Variants in DAB2IP observed in about 807,000 individuals in gnomAD.
The protein encoded by DAB2IP is DAB2 interacting protein, also known as disabled homolog 2-interacting protein.
DAB2IP carries 28 observed loss-of-function variants against 107.2 expected under a neutral mutation model. The ratio of observed to expected loss-of-function variants is 0.26; its 90% CI spans 0.19 to 0.36. DAB2IP has a LOEUF of 0.36. Among genes scored for constraint, DAB2IP ranks in the 10% least tolerant of loss-of-function variants. DAB2IP has a pLI of 1.00. For missense variants in DAB2IP, 1,400 were observed against 1,644.7 expected (o/e 0.85, Z 2.57); for synonymous variants, 755 against 706.4 (o/e 1.07, Z -1.09).
intron 1 of DAB2IP, among the ~76,000 whole-genome samples, chr9:121,627,578 T>C (rs1434346614): frequency 6.6e-6 from 1 of 152,184 alleles, no homozygotes; most frequent in South Asian, 2.1e-4. Flanking sequence ...CTGTGTACTC[T>C]CCTGGCAGCA....
intron 1 of DAB2IP, among the ~76,000 whole-genome samples, chr9:121,627,965 G>C (rs1273350545): frequency 6.6e-6 from 1 of 152,188 alleles, no homozygotes; most frequent in African/African-American, 2.4e-5. Context: ...CTGCTTCAGG[G>C]AACATCCTTT....
At chr9:121,747,384 G>A (rs1295553394) in intron 3 of DAB2IP, among the ~76,000 whole-genome samples, 1 of 143,992 alleles carries the variant, frequency 6.9e-6, no homozygotes, top group African/African-American at 2.7e-5. Context: ...GTCTCGCTCT[G>A]TCGCCCAGGC....
intron 1 of DAB2IP, among the ~76,000 whole-genome samples, chr9:121,641,906 TTTCTTTCTTTC>T (rs1564128255): frequency 8.5e-6 from 1 of 117,706 alleles, no homozygotes; most frequent in African/African-American, 4.3e-5. Context: ...TCTTTCTTTC[TTTCTTTCTTTC>T]TTTCTTTCTT....
chr9:121,732,879 T>C (rs1324485991), intron 3 of DAB2IP, among the ~76,000 whole-genome samples: 2 of 152,160 alleles, frequency 1.3e-5, no homozygotes, highest in Non-Finnish European at 2.9e-5. Context: ...GTCTGTAAAA[T>C]ACCTAGCGCT....
At chr9:121,726,723 G>A (rs1371185954) in intron 3 of DAB2IP, among the ~76,000 whole-genome samples, 1 of 152,216 alleles carries the variant, frequency 6.6e-6, no homozygotes, top group Non-Finnish European at 1.5e-5. Context: ...TCTGGTGTTG[G>A]AAGTATTCTG....
At chr9:121,663,045 G>C (rs867804249) in intron 1 of DAB2IP, among the ~76,000 whole-genome samples, 1 of 152,172 alleles carries the variant, frequency 6.6e-6, no homozygotes, top group East Asian at 1.9e-4. Context: ...ACTTTGGGCC[G>C]GTGAATTCAT....
chr9:121,629,246 G>C (rs1345688157), intron 1 of DAB2IP, among the ~76,000 whole-genome samples: 1 of 152,224 alleles, frequency 6.6e-6, no homozygotes, highest in East Asian at 1.9e-4. Flanking sequence ...GACAGGTGAA[G>C]AGGCTTTGAG....
chr9:121,726,143 C>T (rs1254601647), intron 3 of DAB2IP, among the ~76,000 whole-genome samples: 1 of 152,204 alleles, frequency 6.6e-6, no homozygotes, highest in Non-Finnish European at 1.5e-5. Flanking sequence ...ACTTTCAGCC[C>T]ACCCCACAGC....
intron 3 of DAB2IP, among the ~76,000 whole-genome samples, chr9:121,707,462 C>T (rs572109067): frequency 3.9e-5 from 6 of 152,310 alleles, no homozygotes; most frequent in South Asian, 2.1e-4. Flanking sequence ...GCAGCCCCCA[C>T]GGGGGACCAG....
intron 9 of DAB2IP, 21 bp downstream of exon 9, chr9:121,766,751 C>G (rs750287694): frequency 1.2e-6 from 2 of 1,612,296 alleles, no homozygotes; most frequent in Non-Finnish European, 1.7e-6. Flanking sequence ...CCTCCCTCAC[C>G]AGGCAGAGTT....
At chr9:121,669,515 G>A (rs1416793155) in intron 1 of DAB2IP, among the ~76,000 whole-genome samples, 1 of 152,120 alleles carries the variant, frequency 6.6e-6, no homozygotes, top group African/African-American at 2.4e-5. Context: ...GTTTTGGTTG[G>A]GTGACTTGGG....
At chr9:121,683,162 C>T (rs1828681550) in intron 2 of DAB2IP, among the ~76,000 whole-genome samples, 1 of 152,130 alleles carries the variant, frequency 6.6e-6, no homozygotes, top group South Asian at 2.1e-4. Context: ...GGTCTGGGGG[C>T]TTTGCATGTG....
chr9:121,597,822 A>T (rs1449795855), intron 1 of DAB2IP, among the ~76,000 whole-genome samples: 3 of 152,228 alleles, frequency 2.0e-5, no homozygotes, highest in Non-Finnish European at 4.4e-5. Flanking sequence ...CACCCTGTGC[A>T]TCCATCGCAT....
chr9:121,571,493 G>T (rs984735322), intron 1 of DAB2IP, among the ~76,000 whole-genome samples: 2 of 152,038 alleles, frequency 1.3e-5, no homozygotes, highest in African/African-American at 4.8e-5. Context: ...CTTGGTCAGG[G>T]GTTGGCAAGC....
intron 13 of DAB2IP, among the ~76,000 whole-genome samples, chr9:121,775,507 C>G (rs1244575223): frequency 6.6e-6 from 1 of 152,186 alleles, no homozygotes; most frequent in African/African-American, 2.4e-5. Flanking sequence ...GGCGTCTGGC[C>G]CCTCTCGATC....
At chr9:121,712,993 C>T (rs183075476) in intron 3 of DAB2IP, among the ~76,000 whole-genome samples, 3 of 152,346 alleles carry the variant, frequency 2.0e-5, no homozygotes, top group East Asian at 3.9e-4. Context: ...CCACCTGGAG[C>T]GGCCCCTGCC....
At chr9:121,726,145 C>T (rs1831226496) in intron 3 of DAB2IP, among the ~76,000 whole-genome samples, 1 of 152,218 alleles carries the variant, frequency 6.6e-6, no homozygotes, top group African/African-American at 2.4e-5. Context: ...TTTCAGCCCA[C>T]CCCACAGCCC....
At chr9:121,716,723 A>G (rs1190943382) in intron 3 of DAB2IP, among the ~76,000 whole-genome samples, 1 of 152,128 alleles carries the variant, frequency 6.6e-6, no homozygotes, top group Non-Finnish European at 1.5e-5. Context: ...CAGGAGCCAC[A>G]TGCCTGAGGC....
At chr9:121,676,635 G>GCACACA (rs35324441) in intron 1 of DAB2IP, among the ~76,000 whole-genome samples, 3 of 150,430 alleles carry the variant, frequency 2.0e-5, no homozygotes, top group Non-Finnish European at 3.0e-5. Flanking sequence ...TTCTGCAGAC[G>GCACACA]CACACACACA....
Sources: gnomAD v4.1 joint callset for allele counts (sites outside exome capture counted in the v4.1 genomes callset) on GRCh38, gnomAD v4.1.1 for gene constraint, MANE v1.5 for transcripts, NCBI Gene and HGNC (gene_info 2026-07-23, HGNC 2026-07-21) for gene names.